The following VIPR2 variants were observed in gnomAD, a reference collection of about 807,000 sequenced individuals.
The protein encoded by VIPR2 is vasoactive intestinal polypeptide receptor 2.
In VIPR2, 48 loss-of-function variants were observed where a neutral mutation model predicts 58.0. That is an observed-to-expected ratio of 0.83 (90% CI 0.66 to 1.05). The LOEUF (loss-of-function observed/expected upper bound fraction) is 1.05, where lower values mean the gene tolerates loss of function less well. Among genes scored for constraint, VIPR2 ranks in the 50% least tolerant of loss-of-function variants. The pLI, the probability that VIPR2 is intolerant of heterozygous loss-of-function variation, is 0.00. For synonymous variants in VIPR2, 243 were observed against 235.2 expected, an observed-to-expected ratio of 1.03 and a Z score of -0.30; for missense variants, 534 against 558.0, an observed-to-expected ratio of 0.96 and a Z score of 0.43.
intron 5 of VIPR2, among the ~76,000 whole-genome samples, chr7:159,044,431 A>C (rs1177160461): frequency 6.6e-6 from 1 of 151,956 alleles, no homozygotes; most frequent in Non-Finnish European, 1.5e-5. Context: ...TAAAGCAAAA[A>C]ATAATAATAA....
At chr7:159,037,107 G>A (rs1293274713) in intron 6 of VIPR2, among the ~76,000 whole-genome samples, 9 of 152,224 alleles carry the variant, frequency 5.9e-5, no homozygotes, top group Admixed American at 2.0e-4. Context: ...CTTTGTATCC[G>A]CGGCTCCAGA....
At chr7:159,061,236 T>C (rs1855630654) in intron 4 of VIPR2, among the ~76,000 whole-genome samples, 1 of 151,542 alleles carries the variant, frequency 6.6e-6, no homozygotes, top group South Asian at 2.1e-4. Flanking sequence ...AACTGTTGGG[T>C]ACTATGCTCT....
At chr7:159,075,598 C>T (rs1485727586) in intron 4 of VIPR2, among the ~76,000 whole-genome samples, 1 of 152,200 alleles carries the variant, frequency 6.6e-6, no homozygotes, top group East Asian at 1.9e-4. Flanking sequence ...GGGAGTAGCC[C>T]AGGGCTGGCA....
At chr7:159,131,807 G>C (rs550919906) in intron 2 of VIPR2, among the ~76,000 whole-genome samples, 1 of 152,172 alleles carries the variant, frequency 6.6e-6, no homozygotes, top group Non-Finnish European at 1.5e-5. Flanking sequence ...TTCCTGAGCA[G>C]ACACAACCAG....
intron 2 of VIPR2, among the ~76,000 whole-genome samples, chr7:159,137,458 C>A (rs1482884345): frequency 6.6e-6 from 1 of 152,222 alleles, no homozygotes; most frequent in African/African-American, 2.4e-5. Context: ...TGGCTCACTG[C>A]AGCCTTGAAC....
rs117166267 is a variant in VIPR2 at position 159,066,720 on chromosome 7, C to T, written c.358-8142G>A. Among the ~76,000 whole-genome samples the T allele has an allele frequency of 3.2e-3, 486 of 152,302 alleles. 1 individual carries two copies. Among genetic ancestry groups the T allele is most frequent in the Non-Finnish European group, 4.9e-3 (336 of 68,024 alleles). The stretch of plus-strand genomic sequence containing the variant: ...GTGATGATATTTCAAGGCAAGTTTC[C>T]CTATGCTCATTACTACTTACAAAGC... On this transcript the variant is annotated intron_variant, in intron 4 of 12. Transcript: ENST00000262178.
Position 159,098,778 on chromosome 7 carries a change from A to C in VIPR2, c.357+4979T>G, listed in dbSNP as rs1029005148. Among the ~76,000 whole-genome samples, 2 of 152,224 alleles carry C rather than the reference A, an allele frequency of 1.3e-5. No individual in the cohort carries two copies. Among genetic ancestry groups the C allele is most frequent in the Admixed American group, 6.5e-5 (1 of 15,288 alleles). On this transcript the variant is annotated intron_variant, in intron 4 of 12. Coordinates refer to ENST00000262178, the MANE Select transcript of VIPR2 (RefSeq NM_003382.5). This position sits in a 1 kb window ranked among gnomAD's most constrained non-coding sequence, Gnocchi z 5.2. The stretch of plus-strand genomic sequence containing the variant: ...CTCGAATTTAATTAATTTCGAAAAC[A>C]ATAAACAATAATGATTGCACACACA...
At chr7:159,094,508 C>T (rs1465978016) in intron 4 of VIPR2, among the ~76,000 whole-genome samples, 2 of 152,226 alleles carry the variant, frequency 1.3e-5, no homozygotes, top group Non-Finnish European at 2.9e-5. Flanking sequence ...CCGGAGACAT[C>T]CTTGGGTGGC....
intron 10 of VIPR2, 111 bp downstream of exon 10, chr7:159,034,102 A>G: frequency 2.0e-6 from 2 of 1,002,930 alleles, no homozygotes; most frequent in Non-Finnish European, 1.5e-6. Context: ...GAGGTGTGAC[A>G]GTGGCGGAGG....
chr7:159,062,647 G>A (rs1286534922), intron 4 of VIPR2, among the ~76,000 whole-genome samples: 3 of 152,264 alleles, frequency 2.0e-5, no homozygotes, highest in East Asian at 1.9e-4. Flanking sequence ...TAAGCGCAGT[G>A]CTGACCCAAA....
chr7:159,042,016 G>C (rs536939546), intron 6 of VIPR2, among the ~76,000 whole-genome samples: 16 of 152,280 alleles, frequency 1.1e-4, no homozygotes, highest in African/African-American at 3.6e-4. Context: ...TGTTATCACA[G>C]CAAATCTGAT....
At chr7:159,066,391 C>T (rs1202627479) in intron 4 of VIPR2, among the ~76,000 whole-genome samples, 2 of 151,854 alleles carry the variant, frequency 1.3e-5, no homozygotes, top group Non-Finnish European at 2.9e-5. Context: ...TTCTAGGATG[C>T]CTGCTCCTGC....
Position 159,104,324 on chromosome 7 carries a change from C to A in VIPR2, c.260-470G>T, listed in dbSNP as rs56679801. Among the ~76,000 whole-genome samples, 432 of 150,702 alleles carry A rather than the reference C, an allele frequency of 2.9e-3. 4 individuals are homozygous for A. Among genetic ancestry groups the A allele is most frequent in the African/African-American group, 9.7e-3 (398 of 40,886 alleles). On this transcript the variant is annotated intron_variant, in intron 3 of 12. Coordinates refer to ENST00000262178, the MANE Select transcript of VIPR2 (RefSeq NM_003382.5). Reference sequence around the variant, plus strand: ...CTGCTCCAGTTCTGGGCAGCACCCTCCCTCCTCCCGGCCAGCACCCTCGCC... The same window carrying A: ...CTGCTCCAGTTCTGGGCAGCACCCTACCTCCTCCCGGCCAGCACCCTCGCC...
At chr7:159,117,332 C>T (rs1210783717) in intron 2 of VIPR2, 4 of 717,334 alleles carry the variant, frequency 5.6e-6, no homozygotes, top group Non-Finnish European at 1.0e-5. Flanking sequence ...GGTCATGGAG[C>T]CAATGGGTAG....
At chr7:159,132,830 TGAGA>T (rs1343640567) in intron 2 of VIPR2, among the ~76,000 whole-genome samples, 2 of 139,332 alleles carry the variant, frequency 1.4e-5, no homozygotes, top group Non-Finnish European at 3.2e-5. Context: ...CCGATTGATT[TGAGA>T]CAGAATGATT....
intron 5 of VIPR2, among the ~76,000 whole-genome samples, chr7:159,045,708 T>C (rs1239630296): frequency 3.3e-5 from 5 of 152,150 alleles, no homozygotes; most frequent in Admixed American, 1.3e-4. Flanking sequence ...ATAGGCTCTG[T>C]TGGATTTCTT....
At chr7:159,038,337 G>A (rs1854103933) in intron 6 of VIPR2, among the ~76,000 whole-genome samples, 2 of 152,232 alleles carry the variant, frequency 1.3e-5, no homozygotes, top group South Asian at 4.2e-4. Context: ...CACTGCACAG[G>A]TGAGAGTTAC....
chr7:159,101,116 CGACTGTT>C (rs1585494667), intron 4 of VIPR2, among the ~76,000 whole-genome samples: 34 of 130,500 alleles, frequency 2.6e-4, no homozygotes, highest in Admixed American at 6.1e-4. Flanking sequence ...GAGGCGGTTC[CGACTGTT>C]CCTGTGGTAG....
intron 4 of VIPR2, among the ~76,000 whole-genome samples, chr7:159,101,419 C>T (rs1324535293): frequency 3.9e-5 from 5 of 127,286 alleles, no homozygotes; most frequent in Non-Finnish European, 4.8e-5. Flanking sequence ...ACGGGTCTCA[C>T]GAGATCCGAC....
Sources: allele counts gnomAD v4.1 joint callset (sites outside exome capture counted in the v4.1 genomes callset), GRCh38; gene constraint gnomAD v4.1.1; non-coding constraint Gnocchi (gnomAD v3.1); transcripts MANE v1.5; gene names NCBI Gene and HGNC (gene_info 2026-07-23, HGNC 2026-07-21).